Variants in TRERF1 observed in about 807,000 individuals in gnomAD.
TRERF1 encodes transcriptional-regulating factor 1.
A neutral mutation model predicts 122.9 loss-of-function variants in TRERF1; 27 were observed. The ratio of observed to expected loss-of-function variants is 0.22; its 90% CI spans 0.16 to 0.30. The LOEUF (loss-of-function observed/expected upper bound fraction) is 0.30. Among genes scored for constraint, TRERF1 ranks in the 10% least tolerant of loss-of-function variants. The pLI, the probability that TRERF1 is intolerant of heterozygous loss-of-function variation, is 1.00. For missense variants in TRERF1, 1,248 were observed against 1,560.3 expected, an observed-to-expected ratio of 0.80 and a Z score of 3.37; for synonymous variants, 636 against 641.7, an observed-to-expected ratio of 0.99 and a Z score of 0.13.
rs1779871746 is a variant in TRERF1, at chr6:42,269,638, G to A, written c.-48C>T. 6.3e-7 allele frequency: 1 copy of A among 1,586,174 alleles called. No individual in the cohort carries two copies. The highest frequency in any genetic ancestry group is 1.8e-5 in the Admixed American group (1 of 56,940). ...GTCCAGCCACAAAACCATAAAAAAGGTAAATAAAACAAACCCAAAAGGACT... is the reference window on the plus strand; with the variant it reads ...GTCCAGCCACAAAACCATAAAAAAGATAAATAAAACAAACCCAAAAGGACT... On this transcript the variant is annotated 5_prime_UTR_variant, in exon 5 of 18. Coordinates refer to ENST00000372922, the Ensembl canonical transcript of TRERF1. The surrounding 1 kb of genome is among the most constrained non-coding windows in gnomAD (Gnocchi z 4.9).
At position 42,385,460 on chromosome 6, in the gene TRERF1, G is replaced by A. The variant is rs564763493; in HGVS notation, c.-453-22381C>T. On this transcript the variant is annotated intron_variant, in intron 2 of 17. Transcript: ENST00000372922. ...CACCACCCTGAAGTTACGTGGACAG[G>A]CAGGCAGAACCCTTTAGAAGGTGCA... Among the ~76,000 whole-genome samples, 5 of 152,292 alleles carry A rather than the reference G, an allele frequency of 3.3e-5. No individual in the cohort carries two copies. The East Asian group carries it at 9.6e-4, about 29-fold the overall frequency.
intron 3 of TRERF1, among the ~76,000 whole-genome samples, chr6:42,332,234 C>T (rs1018194876): frequency 3.1e-4 from 47 of 152,376 alleles, no homozygotes; most frequent in African/African-American, 1.1e-3. Context: ...TGTGCCACCG[C>T]GCCCAGCGGG....
At chr6:42,251,970 C>T (rs780927090) in intron 13 of TRERF1, among the ~76,000 whole-genome samples, 1 of 152,232 alleles carries the variant, frequency 6.6e-6, no homozygotes, top group African/African-American at 2.4e-5. Flanking sequence ...GCTTCGTCTC[C>T]ACCCTGACTC....
intron 3 of TRERF1, among the ~76,000 whole-genome samples, chr6:42,301,060 G>C (rs1786083838): frequency 6.6e-6 from 1 of 152,140 alleles, no homozygotes; most frequent in Non-Finnish European, 1.5e-5. Context: ...TAGAGAGACA[G>C]AGAGAGATCT....
chr6:42,403,870 T>C (rs903299039), intron 2 of TRERF1, among the ~76,000 whole-genome samples: 2 of 152,184 alleles, frequency 1.3e-5, no homozygotes, highest in Non-Finnish European at 2.9e-5. Flanking sequence ...TGTCCATGCT[T>C]TCCCTGCCCA....
intron 4 of TRERF1, among the ~76,000 whole-genome samples, chr6:42,274,548 G>A (rs935697280): frequency 9.2e-5 from 14 of 152,048 alleles, no homozygotes; most frequent in African/African-American, 3.4e-4. Flanking sequence ...GCGTGGTGGT[G>A]CACCCCTGTA....
intron 3 of TRERF1, among the ~76,000 whole-genome samples, chr6:42,318,976 A>G (rs1354099399): frequency 1.3e-5 from 2 of 152,194 alleles, no homozygotes; most frequent in African/African-American, 4.8e-5. Flanking sequence ...AGTTCTCTCC[A>G]ATGAAATGTG....
Position 42,259,823 on chromosome 6 carries a change from G to GC in TRERF1, c.1885-101dup. ...GGGCCTTCTACTGTCTAAGCAGAGA[G>GC]CCCTTCTGCTTGACCCCCCCACCCC... On this transcript the variant is annotated intron_variant, in intron 8 of 17. Transcript: ENST00000372922. The surrounding 1 kb of genome is among the most constrained non-coding windows in gnomAD (Gnocchi z 4.9). 4.6e-6 allele frequency: 7 copies of GC among 1,522,808 alleles called. No homozygotes were observed. Among genetic ancestry groups the GC allele is most frequent in the Non-Finnish European group, 6.1e-6 (7 of 1,138,300 alleles). The allele number at this position is 1,522,808 out of a possible 1,614,324, so 94.3% of individuals were successfully genotyped here.
Position 42,366,090 on chromosome 6 carries a change from TGCCCTCTG to T in TRERF1, c.-453-3019_-453-3012del, listed in dbSNP as rs575949755. 3.1e-4 allele frequency among the ~76,000 whole-genome samples: 47 copies of T among 152,286 alleles called. No homozygotes were observed. The East Asian group carries it at 3.9e-3, about 13-fold the overall frequency. ...CCAGCACATTCCTCCCCTGCAGCTC[TGCCCTCTG>T]GCCACCCAGCTCCAGCCCTCTCCTG... On this transcript the variant is annotated intron_variant, in intron 2 of 17. Coordinates refer to ENST00000372922, the Ensembl canonical transcript of TRERF1.
chr6:42,238,508 TAAC>T (rs953551972), intron 15 of TRERF1, among the ~76,000 whole-genome samples: 8 of 152,278 alleles, frequency 5.3e-5, no homozygotes, highest in African/African-American at 1.7e-4. Flanking sequence ...TAGAACTTCG[TAAC>T]AACAAGTTGG....
chr6:42,356,857 C>A (rs1317427260), intron 3 of TRERF1, among the ~76,000 whole-genome samples: 2 of 152,072 alleles, frequency 1.3e-5, no homozygotes, highest in Admixed American at 1.3e-4. Context: ...CAGGTGTGAG[C>A]CATTGCGCCC....
intron 13 of TRERF1, among the ~76,000 whole-genome samples, chr6:42,248,180 G>C (rs1339739494): frequency 6.6e-6 from 1 of 152,122 alleles, no homozygotes; most frequent in African/African-American, 2.4e-5. Flanking sequence ...ATATGGCTCA[G>C]TGACATAAAC....
intron 16 of TRERF1, among the ~76,000 whole-genome samples, chr6:42,234,485 G>A (rs769083573): frequency 2.0e-5 from 3 of 151,902 alleles, no homozygotes; most frequent in Admixed American, 6.6e-5. Context: ...CTACAGGCGC[G>A]CACCACCACG....
intron 3 of TRERF1, among the ~76,000 whole-genome samples, chr6:42,350,532 G>A (rs552824760): frequency 1.8e-3 from 275 of 152,286 alleles, no homozygotes; most frequent in African/African-American, 5.3e-3. Context: ...AAAGGGGCAT[G>A]GAGAAGCTGA....
chr6:42,260,737 G>C (rs1777682940), intron 8 of TRERF1, among the ~76,000 whole-genome samples: 1 of 152,078 alleles, frequency 6.6e-6, no homozygotes, highest in Admixed American at 6.5e-5. Context: ...CCAGGGTGGC[G>C]CCTGGGTAGG....
At chr6:42,382,539 G>A (rs1217352754) in intron 2 of TRERF1, among the ~76,000 whole-genome samples, 1 of 151,748 alleles carries the variant, frequency 6.6e-6, no homozygotes. Context: ...TAAAAACAGT[G>A]TGCTGGTTGC....
intron 3 of TRERF1, among the ~76,000 whole-genome samples, chr6:42,322,986 G>A (rs1001201144): frequency 3.3e-5 from 5 of 151,938 alleles, no homozygotes; most frequent in African/African-American, 1.2e-4. Flanking sequence ...ACTGGGAGGG[G>A]GTGGGGGGCA....
chr6:42,320,261 T>C (rs1259368025), intron 3 of TRERF1, among the ~76,000 whole-genome samples: 1 of 152,070 alleles, frequency 6.6e-6, no homozygotes, highest in Non-Finnish European at 1.5e-5. Context: ...CTAAATATAC[T>C]CCTTTAGGGT....
intron 2 of TRERF1, among the ~76,000 whole-genome samples, chr6:42,406,761 C>T (rs10456511): frequency 0.046 from 6,996 of 152,112 alleles, 232 homozygotes; most frequent in Non-Finnish European, 0.073. Flanking sequence ...ACTTACCCCC[C>T]ACCCCCCTCC....
Sources: allele counts gnomAD v4.1 joint callset (sites outside exome capture counted in the v4.1 genomes callset), GRCh38; gene constraint gnomAD v4.1.1; non-coding constraint Gnocchi (gnomAD v3.1); transcripts MANE v1.5; gene names NCBI Gene and HGNC (gene_info 2026-07-23, HGNC 2026-07-21).